Variants in UBR3 observed in about 807,000 individuals in gnomAD.
UBR3 encodes the protein ubiquitin protein ligase E3 component n-recognin 3.
In UBR3, 85 loss-of-function variants were observed where a neutral mutation model predicts 243.2. The observed-to-expected ratio is 0.35, with a 90% confidence interval of 0.29 to 0.42. UBR3 has a LOEUF of 0.42. UBR3 is among the 10% of genes least tolerant of loss of function. The pLI is 1.00. For synonymous variants in UBR3, 748 were observed against 799.8 expected, an observed-to-expected ratio of 0.94 and a Z score of 1.09; for missense variants, 1,686 against 2,300.8, an observed-to-expected ratio of 0.73 and a Z score of 5.47.
At chr2:169,928,380 T>G (rs1449390095) in intron 17 of UBR3, among the ~76,000 whole-genome samples, 1 of 152,168 alleles carries the variant, frequency 6.6e-6, no homozygotes, top group Non-Finnish European at 1.5e-5. Context: ...TCTTTCTGTT[T>G]TTTAAGGAAA....
chr2:169,946,455 G>A (rs2086795635), intron 21 of UBR3, 63 bp downstream of exon 21: 5 of 845,858 alleles, frequency 5.9e-6, no homozygotes, highest in African/African-American at 3.5e-5. Flanking sequence ...CCAACCAATT[G>A]TTGCCAAACC....
chr2:169,979,545 G>C (rs368998267), intron 24 of UBR3, among the ~76,000 whole-genome samples: 1 of 152,156 alleles, frequency 6.6e-6, no homozygotes, highest in Non-Finnish European at 1.5e-5. Context: ...TGGCACATAC[G>C]TATAATGAAA....
intron 1 of UBR3, among the ~76,000 whole-genome samples, chr2:169,868,422 C>T (rs1000716058): frequency 2.6e-5 from 4 of 152,340 alleles, no homozygotes; most frequent in Non-Finnish European, 2.9e-5. Context: ...CAGCTCACTG[C>T]AGTCTCCACC....
chr2:169,982,305 G>T (rs2088774214), intron 24 of UBR3, among the ~76,000 whole-genome samples: 1 of 151,970 alleles, frequency 6.6e-6, no homozygotes, highest in South Asian at 2.1e-4. Context: ...CCACAAACAT[G>T]AAAGCAAAAC....
chr2:169,919,102 A>G (rs1235305245), intron 11 of UBR3, among the ~76,000 whole-genome samples: 4 of 152,218 alleles, frequency 2.6e-5, no homozygotes, highest in Admixed American at 2.0e-4. Flanking sequence ...CAGGGGGAAT[A>G]GTGTATACAA....
rs759732019 is a variant in UBR3 at position 170,029,445 on chromosome 2, C to A, written c.4553C>A (p.Pro1518Gln). 25 of 1,603,558 alleles carry A rather than the reference C, an allele frequency of 1.6e-5. No individual in the cohort carries two copies. In the South Asian group the frequency reaches 2.7e-4, roughly 17 times the overall value. Residue 1518 changes from proline to glutamine, a missense_variant, in exon 31 of 39, where the codon CCA becomes CAA. Pro to Gln is a moderately conservative substitution (Grantham distance 76, BLOSUM62 -1). Coordinates refer to ENST00000272793, the MANE Select transcript of UBR3 (RefSeq NM_172070.4). ...RKLTQLEEMN[P>Q]QLGYEEQQPE... ...CTCACCCAGTTAGAAGAGATGAATC[C>A]ACAGTAAGTATAATTGAAAGACTAA...
chr2:170,050,686 T>A (rs2091196801), intron 32 of UBR3, among the ~76,000 whole-genome samples: 1 of 152,216 alleles, frequency 6.6e-6, no homozygotes, highest in Non-Finnish European at 1.5e-5. Flanking sequence ...TTTGAAGGAC[T>A]TTGTTTTCTG....
At position 170,036,931 on chromosome 2, in the gene UBR3, A is replaced by G. The variant is rs146932751; in HGVS notation, c.4557-3951A>G. 8.7e-4 allele frequency among the ~76,000 whole-genome samples: 133 copies of G among 152,238 alleles called. No individual in the cohort carries two copies. In the East Asian group the frequency reaches 0.024, roughly 27 times the overall value. The stretch of plus-strand genomic sequence containing the variant: ...GCCCATGTCTTCCAAGAGCTGATGT[A>G]TACTTTTATAACTAGTATTACAATG... On this transcript the variant is annotated intron_variant, in intron 31 of 38. Transcript: ENST00000272793.
chr2:170,061,488 G>C (rs1272078758), intron 35 of UBR3, 45 bp downstream of exon 35: 3 of 1,558,556 alleles, frequency 1.9e-6, no homozygotes, highest in African/African-American at 2.8e-5. Context: ...TTTTTTTTCA[G>C]ATGGAGTCTC....
chr2:170,070,112 T>C (rs757598621), intron 35 of UBR3, among the ~76,000 whole-genome samples: 3 of 152,162 alleles, frequency 2.0e-5, no homozygotes, highest in Admixed American at 2.0e-4. Flanking sequence ...TTAGGTTGAT[T>C]AATATCTTTG....
intron 23 of UBR3, among the ~76,000 whole-genome samples, chr2:169,955,107 C>A (rs1041005242): frequency 2.6e-5 from 4 of 152,118 alleles, no homozygotes; most frequent in African/African-American, 9.7e-5. Flanking sequence ...TGAAGTGTTG[C>A]TGTTTTCTTT....
intron 1 of UBR3, among the ~76,000 whole-genome samples, chr2:169,857,069 T>A (rs13017983): frequency 5.5e-5 from 1 of 18,308 alleles, no homozygotes; most frequent in African/African-American, 1.2e-4. Context: ...ATTATGTTTT[T>A]TTTTTTTTTT....
intron 27 of UBR3, among the ~76,000 whole-genome samples, chr2:170,004,712 A>G (rs1180363366): frequency 6.6e-6 from 1 of 151,892 alleles, no homozygotes; most frequent in Non-Finnish European, 1.5e-5. Context: ...GGAGTTCGAG[A>G]CCAGCCTGGC....
intron 31 of UBR3, among the ~76,000 whole-genome samples, chr2:170,038,913 T>C (rs1343789801): frequency 6.6e-6 from 1 of 151,974 alleles, no homozygotes. Context: ...AGAGAAAGAT[T>C]ATGGGTTCAC....
At chr2:170,065,714 G>C (rs961932454) in intron 35 of UBR3, among the ~76,000 whole-genome samples, 1 of 151,958 alleles carries the variant, frequency 6.6e-6, no homozygotes, top group African/African-American at 2.4e-5. Context: ...TTACTGGCAT[G>C]TACAAATACC....
rs186301683 is a variant in UBR3, at chr2:169,958,146, C to A, written c.3546-292C>A. Among the ~76,000 whole-genome samples, 201 of 152,276 alleles carry A rather than the reference C, an allele frequency of 1.3e-3. 1 individual carries two copies. The highest frequency in any genetic ancestry group is 4.7e-3 in the African/African-American group (196 of 41,564). Reference sequence around the variant, plus strand: ...CTACCTTCTGACGTATACTTAGGAACTTGTGTTATTGGAAATCCAAATATT... The same window carrying A: ...CTACCTTCTGACGTATACTTAGGAAATTGTGTTATTGGAAATCCAAATATT... On this transcript the variant is annotated intron_variant, in intron 23 of 38. Transcript: ENST00000272793.
intron 24 of UBR3, among the ~76,000 whole-genome samples, chr2:169,961,798 C>T (rs1294981318): frequency 2.0e-5 from 3 of 151,436 alleles, no homozygotes; most frequent in African/African-American, 7.3e-5. Flanking sequence ...AGATCTTTTC[C>T]CATCCTCCTT....
intron 11 of UBR3, among the ~76,000 whole-genome samples, chr2:169,919,350 G>T (rs983150302): frequency 6.6e-6 from 1 of 152,152 alleles, no homozygotes; most frequent in African/African-American, 2.4e-5. Context: ...GTTAGTCAAG[G>T]TTCTTTTAAT....
chr2:169,982,055 G>T (rs2088762312), intron 24 of UBR3, among the ~76,000 whole-genome samples: 1 of 152,080 alleles, frequency 6.6e-6, no homozygotes, highest in African/African-American at 2.4e-5. Context: ...TCACCTGCTA[G>T]GTTAGTAGCA....
Sources: gnomAD v4.1 joint callset for allele counts (sites outside exome capture counted in the v4.1 genomes callset) on GRCh38, gnomAD v4.1.1 for gene constraint, MANE v1.5 for transcripts, NCBI Gene and HGNC (gene_info 2026-07-23, HGNC 2026-07-21) for gene names.